The following TMEM167A variants were observed in gnomAD, a reference collection of about 807,000 sequenced individuals.
TMEM167A encodes the protein protein kish-A.
TMEM167A carries 8 observed loss-of-function variants against 11.6 expected under a neutral mutation model. That is an observed-to-expected ratio of 0.69 (90% CI 0.40 to 1.24). The LOEUF (loss-of-function observed/expected upper bound fraction) is 1.24. Among genes scored for constraint, TMEM167A ranks in the 50% most tolerant of loss-of-function variants. The pLI is 0.01. For synonymous variants in TMEM167A, 22 were observed against 28.0 expected (o/e 0.79, Z 0.67); for missense variants, 62 against 87.0 (o/e 0.71, Z 1.14).
chr5:83,073,624 C>G (rs1274872886), intron 1 of TMEM167A, among the ~76,000 whole-genome samples: 1 of 152,192 alleles, frequency 6.6e-6, no homozygotes. Flanking sequence ...GCAGAGCACT[C>G]AAACTGGGAG....
At chr5:83,074,647 T>G (rs972879415) in intron 1 of TMEM167A, among the ~76,000 whole-genome samples, 3 of 152,198 alleles carry the variant, frequency 2.0e-5, no homozygotes, top group Non-Finnish European at 2.9e-5. Flanking sequence ...AAACCCATGC[T>G]CTCTCTACTA....
intron 2 of TMEM167A, among the ~76,000 whole-genome samples, chr5:83,063,720 C>T (rs1399779696): frequency 2.0e-5 from 3 of 151,942 alleles, no homozygotes; most frequent in Non-Finnish European, 2.9e-5. Context: ...CACACACACA[C>T]GAACCCTGTT....
chr5:83,053,835 C>T lies in TMEM167A; in HGVS notation c.*3249G>A, dbSNP rs1033654491. On this transcript the variant is annotated 3_prime_UTR_variant, in exon 4 of 4. Coordinates refer to ENST00000502346, the MANE Select transcript of TMEM167A (RefSeq NM_174909.5). ...CTCTTCTTTATTTTCTTCTAGAATC[C>T]TGGGATTATCTGAATAATAAATGCC... is the stretch of plus-strand genomic sequence containing the variant. The T allele has an allele frequency of 5.3e-5, 8 of 152,014 alleles. No individual in the cohort carries two copies. Among genetic ancestry groups the T allele is most frequent in the African/African-American group, 1.9e-4 (8 of 41,420 alleles). The allele number at this position is 152,014 out of a possible 1,614,324, so 9.4% of individuals were successfully genotyped here. A position where few individuals can be genotyped will look rare whatever the true frequency, so the allele number is the denominator to read the frequency against.
At chr5:83,058,701 T>A (rs1214792232) in intron 3 of TMEM167A, among the ~76,000 whole-genome samples, 1 of 152,092 alleles carries the variant, frequency 6.6e-6, no homozygotes, top group African/African-American at 2.4e-5. Context: ...GGAAATTAAT[T>A]TTTGAGGAAG....
At chr5:83,071,082 T>C (rs76339848) in intron 1 of TMEM167A, among the ~76,000 whole-genome samples, 9 of 152,160 alleles carry the variant, frequency 5.9e-5, no homozygotes, top group African/African-American at 1.9e-4. Context: ...AATGACTGGT[T>C]ATTAAGCATA....
At chr5:83,077,180 G>T in intron 1 of TMEM167A, 141 bp downstream of exon 1, 1 of 1,187,540 alleles carries the variant, frequency 8.4e-7, no homozygotes, top group Non-Finnish European at 1.2e-6. Context: ...CTCTCTGGTT[G>T]GCCGTGGAGG....
chr5:83,067,387 T>TA (rs1744498446), intron 1 of TMEM167A, among the ~76,000 whole-genome samples: 1 of 152,228 alleles, frequency 6.6e-6, no homozygotes, highest in Admixed American at 6.5e-5. Flanking sequence ...AAAAAGTGCT[T>TA]ATGCACAATG....
At chr5:83,061,418 TTTTTA>T (rs142531335) in intron 3 of TMEM167A, among the ~76,000 whole-genome samples, 12,611 of 152,242 alleles carry the variant, frequency 0.083, 702 homozygotes, top group Non-Finnish European at 0.12. Flanking sequence ...TTTTATTCTT[TTTTTA>T]TTTTGAGACA....
rs1449898161 is a variant in TMEM167A at position 83,055,605 on chromosome 5, G to A, written c.*1479C>T. On this transcript the variant is annotated 3_prime_UTR_variant, in exon 4 of 4. Transcript: ENST00000502346. ...AAAACAAACAAACAAAAAATCCCCA[G>A]ATAACAAAATACAGAAAATCAAACC... 2.6e-5 allele frequency: 4 copies of A among 151,554 alleles called. No homozygotes were observed. Among genetic ancestry groups the A allele is most frequent in the Non-Finnish European group, 5.9e-5 (4 of 67,822 alleles). The allele number at this position is 151,554 out of a possible 1,614,324, so 9.4% of individuals were successfully genotyped here.
At chr5:83,075,932 C>T (rs975278572) in intron 1 of TMEM167A, among the ~76,000 whole-genome samples, 1 of 152,178 alleles carries the variant, frequency 6.6e-6, no homozygotes, top group African/African-American at 2.4e-5. Flanking sequence ...GTACTTTTGA[C>T]ATCCCAAGCT....
intron 3 of TMEM167A, among the ~76,000 whole-genome samples, chr5:83,059,588 C>G (rs1744378731): frequency 6.6e-6 from 1 of 151,948 alleles, no homozygotes; most frequent in Admixed American, 6.6e-5. Flanking sequence ...CACTAACTAC[C>G]AGTATTAACC....
chr5:83,057,288 A>C (rs775550119), intron 3 of TMEM167A, 134 bp from the exon 4 acceptor site: 82 of 693,268 alleles, frequency 1.2e-4, no homozygotes, highest in Non-Finnish European at 1.8e-4. Context: ...GGCAGTGACA[A>C]AAACTAGATG....
At chr5:83,063,198 C>A (rs556706519) in intron 2 of TMEM167A, among the ~76,000 whole-genome samples, 2 of 152,128 alleles carry the variant, frequency 1.3e-5, no homozygotes, top group South Asian at 4.1e-4. Context: ...CCAAATTATG[C>A]TTAAATTAAA....
chr5:83,066,193 A>C (rs1744479049), intron 1 of TMEM167A, among the ~76,000 whole-genome samples: 1 of 152,202 alleles, frequency 6.6e-6, no homozygotes, highest in African/African-American at 2.4e-5. Context: ...AAAGAATAAC[A>C]TTTTCATCAT....
chr5:83,060,896 T>C (rs912721549), intron 3 of TMEM167A, among the ~76,000 whole-genome samples: 1 of 152,132 alleles, frequency 6.6e-6, no homozygotes, highest in African/African-American at 2.4e-5. Flanking sequence ...ACTTAATCAT[T>C]TGAGAGTCTA....
At chr5:83,069,269 T>C (rs1744528507) in intron 1 of TMEM167A, among the ~76,000 whole-genome samples, 1 of 152,138 alleles carries the variant, frequency 6.6e-6, no homozygotes, top group Non-Finnish European at 1.5e-5. Flanking sequence ...CCCTTAATGC[T>C]TAGCATCTGT....
chr5:83,076,978 G>A (rs1013954476), intron 1 of TMEM167A, among the ~76,000 whole-genome samples: 1 of 152,228 alleles, frequency 6.6e-6, no homozygotes, highest in Non-Finnish European at 1.5e-5. Flanking sequence ...GAGATAAGGA[G>A]TTGCAACAAA....
At chr5:83,067,347 T>A (rs1284271354) in intron 1 of TMEM167A, among the ~76,000 whole-genome samples, 1 of 152,178 alleles carries the variant, frequency 6.6e-6, no homozygotes, top group Non-Finnish European at 1.5e-5. Flanking sequence ...TAAAAAACTA[T>A]ATACATTATT....
intron 1 of TMEM167A, 82 bp downstream of exon 1, chr5:83,077,239 C>T: frequency 6.2e-7 from 1 of 1,608,062 alleles, no homozygotes. Flanking sequence ...ACACCCCGGG[C>T]TGCCGCACAA....
Sources: gnomAD v4.1 joint callset for allele counts (sites outside exome capture counted in the v4.1 genomes callset) on GRCh38, gnomAD v4.1.1 for gene constraint, MANE v1.5 for transcripts, NCBI Gene and HGNC (gene_info 2026-07-23, HGNC 2026-07-21) for gene names.